The following PTPRD variants were observed in gnomAD, a reference collection of about 807,000 sequenced individuals.
PTPRD encodes receptor-type tyrosine-protein phosphatase delta.
A neutral mutation model predicts 214.5 loss-of-function variants in PTPRD; 34 were observed. That is an observed-to-expected ratio of 0.16 (90% CI 0.12 to 0.21). PTPRD has a LOEUF of 0.21. PTPRD is among the 10% of genes least tolerant of loss of function. The pLI, the probability that PTPRD is intolerant of heterozygous loss-of-function variation, is 1.00. For synonymous variants in PTPRD, 1,128 were observed against 845.7 expected, an observed-to-expected ratio of 1.33 and a Z score of -5.79; for missense variants, 2,545 against 2,398.7, an observed-to-expected ratio of 1.06 and a Z score of -1.27.
chr9:9,111,806 T>G (rs920345461), intron 10 of PTPRD, among the ~76,000 whole-genome samples: 14 of 152,170 alleles, frequency 9.2e-5, no homozygotes, highest in African/African-American at 3.4e-4. Flanking sequence ...CAAGAAAATA[T>G]ATCTGAAATA....
chr9:9,684,799 G>C (rs1239909465), intron 7 of PTPRD, among the ~76,000 whole-genome samples: 1 of 151,490 alleles, frequency 6.6e-6, no homozygotes, highest in Non-Finnish European at 1.5e-5. Flanking sequence ...GGTCTTTAGA[G>C]CAGTGCAAAT....
At chr9:9,322,286 T>G (rs894203662) in intron 9 of PTPRD, among the ~76,000 whole-genome samples, 1 of 152,216 alleles carries the variant, frequency 6.6e-6, no homozygotes, top group Non-Finnish European at 1.5e-5. Context: ...AAGCTACTGA[T>G]TACTGGGCAT....
intron 5 of PTPRD, among the ~76,000 whole-genome samples, chr9:9,907,355 G>C (rs2077877258): frequency 6.6e-6 from 1 of 151,844 alleles, no homozygotes; most frequent in African/African-American, 2.4e-5. Flanking sequence ...AGACTGGGTG[G>C]CTGAAGCAAT....
intron 8 of PTPRD, among the ~76,000 whole-genome samples, chr9:9,489,631 A>G (rs975445228): frequency 2.0e-5 from 3 of 152,114 alleles, no homozygotes; most frequent in African/African-American, 7.2e-5. Context: ...ATTTTAAAAA[A>G]AGGATATAGA....
chr9:9,847,984 G>A (rs7872395), intron 5 of PTPRD, among the ~76,000 whole-genome samples: 24,701 of 152,074 alleles, frequency 0.16, 2,105 homozygotes, highest in Non-Finnish European at 0.19. Flanking sequence ...TCACACAAAG[G>A]CAGTGGCAGT....
intron 3 of PTPRD, among the ~76,000 whole-genome samples, chr9:10,255,648 T>C (rs1205794889): frequency 6.6e-6 from 1 of 152,216 alleles, no homozygotes; most frequent in African/African-American, 2.4e-5. Flanking sequence ...ATAATAAACT[T>C]AGCTTACTAT....
intron 3 of PTPRD, among the ~76,000 whole-genome samples, chr9:10,306,937 GTAT>G (rs1362002905): frequency 4.6e-5 from 7 of 152,074 alleles, no homozygotes; most frequent in Admixed American, 6.6e-5. Flanking sequence ...AATTCATTTT[GTAT>G]TGATTCATAC....
intron 10 of PTPRD, among the ~76,000 whole-genome samples, chr9:9,083,267 GC>G (rs2099761897): frequency 6.6e-6 from 1 of 151,948 alleles, no homozygotes; most frequent in Non-Finnish European, 1.5e-5. Flanking sequence ...AACCATCTGA[GC>G]TTTGACAAAC....
chr9:10,518,713 T>C (rs937878765), intron 2 of PTPRD, among the ~76,000 whole-genome samples: 2 of 151,708 alleles, frequency 1.3e-5, no homozygotes, highest in Non-Finnish European at 2.9e-5. Context: ...TTTGTATTTT[T>C]AGTACAGACA....
At chr9:8,449,610 A>G in intron 34 of PTPRD, 115 bp downstream of exon 34, 1 of 945,344 alleles carries the variant, frequency 1.1e-6, no homozygotes, top group Non-Finnish European at 1.6e-6. Context: ...AAAATAAAAG[A>G]GCAGGATGAA....
At chr9:8,707,874 T>A (rs1565445623) in intron 12 of PTPRD, among the ~76,000 whole-genome samples, 1 of 152,230 alleles carries the variant, frequency 6.6e-6, no homozygotes, top group Admixed American at 6.5e-5. Flanking sequence ...GGCTTACCTA[T>A]ACTGGTTGTG....
intron 4 of PTPRD, among the ~76,000 whole-genome samples, chr9:9,980,835 A>C (rs1011533105): frequency 7.0e-6 from 1 of 141,970 alleles, no homozygotes; most frequent in African/African-American, 2.6e-5. Context: ...GTTCACAGAA[A>C]AGGAGTTTAA....
chr9:8,496,461 G>C (rs952826167), intron 26 of PTPRD, among the ~76,000 whole-genome samples: 7 of 152,120 alleles, frequency 4.6e-5, no homozygotes, highest in Non-Finnish European at 4.4e-5. Context: ...TAGAAAGGCA[G>C]GTGTCACATC....
chr9:9,052,226 G>C (rs751730676), intron 10 of PTPRD, among the ~76,000 whole-genome samples: 1 of 152,114 alleles, frequency 6.6e-6, no homozygotes, highest in Non-Finnish European at 1.5e-5. Flanking sequence ...CCATTCATGA[G>C]GGTTCTGCCC....
At chr9:8,550,654 A>G (rs893879294) in intron 14 of PTPRD, among the ~76,000 whole-genome samples, 2 of 152,212 alleles carry the variant, frequency 1.3e-5, no homozygotes, top group African/African-American at 4.8e-5. Context: ...CACCTAAATA[A>G]ATCTAAATCC....
intron 43 of PTPRD, among the ~76,000 whole-genome samples, chr9:8,331,996 G>C (rs1462706300): frequency 1.3e-5 from 2 of 151,894 alleles, no homozygotes; most frequent in Non-Finnish European, 2.9e-5. Context: ...TAAAAACCTG[G>C]TTCTCGTTAG....
chr9:8,900,344 G>A (rs1566907964), intron 11 of PTPRD, among the ~76,000 whole-genome samples: 1 of 152,054 alleles, frequency 6.6e-6, no homozygotes, highest in Non-Finnish European at 1.5e-5. Context: ...AGAACATGAT[G>A]GCAAAATAAT....
At chr9:9,505,860 G>A (rs982284655) in intron 8 of PTPRD, among the ~76,000 whole-genome samples, 1 of 151,074 alleles carries the variant, frequency 6.6e-6, no homozygotes, top group African/African-American at 2.4e-5. Flanking sequence ...TTCTAACATG[G>A]GACATTACAA....
At chr9:8,829,459 T>C (rs1352740108) in intron 11 of PTPRD, among the ~76,000 whole-genome samples, 1 of 152,352 alleles carries the variant, frequency 6.6e-6, no homozygotes, top group Non-Finnish European at 1.5e-5. Context: ...CATACATCAG[T>C]TCATTACTTT....
Sources: gnomAD v4.1 joint callset for allele counts (sites outside exome capture counted in the v4.1 genomes callset) on GRCh38, gnomAD v4.1.1 for gene constraint, MANE v1.5 for transcripts, NCBI Gene and HGNC (gene_info 2026-07-23, HGNC 2026-07-21) for gene names.